The following NAALADL2 variants were observed in gnomAD, a reference collection of about 807,000 sequenced individuals.
NAALADL2 encodes N-acetylated alpha-linked acidic dipeptidase like 2, also known as inactive N-acetylated-alpha-linked acidic dipeptidase-like protein 2.
NAALADL2 carries 76 observed loss-of-function variants against 87.2 expected under a neutral mutation model. The ratio of observed to expected loss-of-function variants is 0.87; its 90% confidence interval spans 0.72 to 1.05. NAALADL2 has a LOEUF of 1.05. NAALADL2 is among the 50% of genes least tolerant of loss of function. NAALADL2 has a pLI of 0.00. For missense variants in NAALADL2, 1,089 were observed against 945.8 expected, an observed-to-expected ratio of 1.15 and a Z score of -1.99; for synonymous variants, 354 against 331.0, an observed-to-expected ratio of 1.07 and a Z score of -0.75.
chr3:175,353,323 G>A (rs1397858341), intron 5 of NAALADL2, among the ~76,000 whole-genome samples: 3 of 152,058 alleles, frequency 2.0e-5, no homozygotes, highest in Admixed American at 6.6e-5. Flanking sequence ...CCTGGGCAAC[G>A]TAGCAAGACC....
At chr3:175,231,767 T>C (rs1744973721) in intron 2 of NAALADL2, among the ~76,000 whole-genome samples, 1 of 152,176 alleles carries the variant, frequency 6.6e-6, no homozygotes, top group South Asian at 2.1e-4. Flanking sequence ...TATATTGCTA[T>C]GTTTGTATAA....
chr3:174,590,829 A>G lies in NAALADL2; in HGVS notation c.-115+40192A>G, dbSNP rs145718381. ...GAGATAATGCATGGAAACTTTTGTT[A>G]CTATTTGACTAGAAATAGACATTCA... On this transcript the variant is annotated intron_variant, in intron 2 of 3. Coordinates refer to the NAALADL2 transcript ENST00000434257. Among the ~76,000 whole-genome samples the G allele has an allele frequency of 6.1e-3, 925 of 152,288 alleles. 7 individuals are homozygous for G. Among genetic ancestry groups the G allele is most frequent in the African/African-American group, 0.022 (895 of 41,562 alleles).
chr3:175,499,203 A>C (rs1729212148), intron 9 of NAALADL2, among the ~76,000 whole-genome samples: 1 of 152,150 alleles, frequency 6.6e-6, no homozygotes, highest in Admixed American at 6.6e-5. Flanking sequence ...GTGCAATGAC[A>C]GGAATACATA....
In NAALADL2 at chr3:174,882,752, CGT is replaced by C. The variant is rs575382290; in HGVS notation, c.43+23305_43+23306del. Among the ~76,000 whole-genome samples the C allele has an allele frequency of 1.2e-4, 16 of 133,632 alleles. No individual in the cohort carries two copies. The South Asian group carries it at 3.4e-3, about 28-fold the overall frequency. 87.7% of individuals were successfully genotyped at this position (133,632 alleles called of 152,430 possible). A position where few individuals can be genotyped will look rare whatever the true frequency, so the allele number is the denominator to read the frequency against. On this transcript the variant is annotated intron_variant, in intron 1 of 13. Coordinates refer to ENST00000454872, the MANE Select transcript of NAALADL2 (RefSeq NM_207015.3). ...ATGTGTATCTATGTGTATATACACACGTGTATATATACACACGTGTATATATA... is the reference window on the plus strand; with the variant it reads ...ATGTGTATCTATGTGTATATACACACGTATATATACACACGTGTATATATA...
chr3:175,802,599 T>G (rs1201337581), intron 13 of NAALADL2, among the ~76,000 whole-genome samples: 1 of 152,118 alleles, frequency 6.6e-6, no homozygotes, highest in Non-Finnish European at 1.5e-5. Context: ...GGGTCATTTG[T>G]CTTATAAAGT....
intron 5 of NAALADL2, among the ~76,000 whole-genome samples, chr3:175,341,068 C>T (rs183381797): frequency 1.3e-5 from 2 of 151,714 alleles, no homozygotes; most frequent in East Asian, 1.9e-4. Context: ...TTTTTTGTAG[C>T]GTATTCACAG....
chr3:175,386,014 T>G (rs1010531029), intron 5 of NAALADL2, among the ~76,000 whole-genome samples: 1 of 152,036 alleles, frequency 6.6e-6, no homozygotes, highest in African/African-American at 2.4e-5. Context: ...ATGAAGTCTG[T>G]GTGAGCATCG....
At chr3:175,656,721 A>ATGTGTGTGTGTGTGTGTATG (rs1731515213) in intron 11 of NAALADL2, among the ~76,000 whole-genome samples, 2 of 148,548 alleles carry the variant, frequency 1.3e-5, no homozygotes, top group African/African-American at 5.0e-5. Context: ...GTGTGTGTGT[A>ATGTGTGTGTGTGTGTGTATG]TGTGTGTGTG....
intron 2 of NAALADL2, among the ~76,000 whole-genome samples, chr3:175,098,512 G>C (rs1274873045): frequency 6.6e-6 from 1 of 152,088 alleles, no homozygotes; most frequent in East Asian, 1.9e-4. Flanking sequence ...AGATAGGGGG[G>C]CATAACCTCA....
chr3:175,218,593 C>T (rs546265841), intron 2 of NAALADL2, among the ~76,000 whole-genome samples: 21 of 152,122 alleles, frequency 1.4e-4, no homozygotes, highest in African/African-American at 4.1e-4. Context: ...ATTAGCTGCC[C>T]TCAAATATAA....
intron 11 of NAALADL2, among the ~76,000 whole-genome samples, chr3:175,667,245 G>A (rs867015660): frequency 7.8e-4 from 95 of 122,450 alleles, no homozygotes; most frequent in East Asian, 3.1e-3. Flanking sequence ...GAAAGAAAAA[G>A]AAAGAAAGAA....
At position 174,519,326 on chromosome 3, in the gene NAALADL2, CTT is replaced by C. The variant is rs557612913; in HGVS notation, c.-183-31226_-183-31225del. Reference sequence around the variant, plus strand: ...AAACAAGTGAATGAATGAAGATTTCCTTTTTTTTTTTTTTTTTTGAGACAGAG... The same window carrying C: ...AAACAAGTGAATGAATGAAGATTTCCTTTTTTTTTTTTTTTTGAGACAGAG... On this transcript the variant is annotated intron_variant, in intron 1 of 3. Transcript: ENST00000434257. Among the ~76,000 whole-genome samples the C allele has an allele frequency of 2.6e-3, 340 of 128,826 alleles. 3 individuals are homozygous for C. The highest frequency in any genetic ancestry group is 8.8e-3 in the African/African-American group (301 of 34,184). The allele number at this position is 128,826 out of a possible 152,430, so 84.5% of individuals were successfully genotyped here.
chr3:174,778,455 AGGTTTG>A (rs1280571350), intron 3 of NAALADL2, among the ~76,000 whole-genome samples: 4 of 77,300 alleles, frequency 5.2e-5, no homozygotes, highest in African/African-American at 8.1e-5. Context: ...ACTCTGCACC[AGGTTTG>A]GGTTAGGATG....
chr3:174,517,000 A>G (rs1030387215), intron 1 of NAALADL2, among the ~76,000 whole-genome samples: 2 of 152,014 alleles, frequency 1.3e-5, no homozygotes, highest in Non-Finnish European at 2.9e-5. Flanking sequence ...TTTAAAATGT[A>G]ATATTAGCCA....
intron 2 of NAALADL2, among the ~76,000 whole-genome samples, chr3:174,575,838 C>T (rs1329675437): frequency 6.6e-6 from 1 of 152,098 alleles, no homozygotes; most frequent in African/African-American, 2.4e-5. Flanking sequence ...GACACTGAGC[C>T]AGGCATTGAG....
intron 1 of NAALADL2, among the ~76,000 whole-genome samples, chr3:174,448,498 A>G (rs1715227822): frequency 6.6e-6 from 1 of 152,166 alleles, no homozygotes; most frequent in African/African-American, 2.4e-5. Context: ...TGTATTTTGA[A>G]TCATGAAGGA....
chr3:175,051,115 T>C (rs999749290), intron 1 of NAALADL2, among the ~76,000 whole-genome samples: 1 of 152,216 alleles, frequency 6.6e-6, no homozygotes, highest in East Asian at 1.9e-4. Flanking sequence ...AAAAATTTAC[T>C]GGGTCCTGTA....
chr3:174,627,509 G>C (rs1235760414), intron 2 of NAALADL2, among the ~76,000 whole-genome samples: 1 of 152,220 alleles, frequency 6.6e-6, no homozygotes, highest in Non-Finnish European at 1.5e-5. Context: ...TACAACATCT[G>C]TGGGAAACAG....
chr3:175,450,766 G>C (rs527823946), intron 6 of NAALADL2, among the ~76,000 whole-genome samples: 1 of 152,188 alleles, frequency 6.6e-6, no homozygotes, highest in Non-Finnish European at 1.5e-5. Context: ...GCTGGCAACA[G>C]TTCAGAAAGG....
Sources: allele counts gnomAD v4.1 joint callset (sites outside exome capture counted in the v4.1 genomes callset), GRCh38; gene constraint gnomAD v4.1.1; transcripts MANE v1.5; gene names NCBI Gene and HGNC (gene_info 2026-07-23, HGNC 2026-07-21).